ATP8A1: variants seen among roughly 807,000 people sequenced by gnomAD.
ATP8A1 encodes the protein phospholipid-transporting ATPase IA.
ATP8A1 carries 90 observed loss-of-function variants against 177.7 expected under a neutral mutation model. The observed-to-expected ratio is 0.51, with a 90% confidence interval of 0.43 to 0.60. The LOEUF is 0.60. Among genes scored for constraint, ATP8A1 ranks in the 20% least tolerant of loss-of-function variants. The probability of loss-of-function intolerance (pLI) is 0.00; values close to 1 mark genes in which losing one functional copy is unlikely to be tolerated. For missense variants in ATP8A1, 1,072 were observed against 1,392.8 expected (o/e 0.77, Z 3.67); for synonymous variants, 493 against 485.9 (o/e 1.01, Z -0.19).
intron 20 of ATP8A1, among the ~76,000 whole-genome samples, chr4:42,529,563 C>T (rs950921663): frequency 2.2e-4 from 34 of 152,174 alleles, no homozygotes; most frequent in African/African-American, 7.2e-4. Flanking sequence ...TGAGGAAGTG[C>T]CTCAAATGCC....
At chr4:42,656,250 G>A (rs1464709930) in intron 1 of ATP8A1, among the ~76,000 whole-genome samples, 1 of 152,152 alleles carries the variant, frequency 6.6e-6, no homozygotes, top group African/African-American at 2.4e-5. Flanking sequence ...GGGCAAAAGG[G>A]AAACACAAAA....
At chr4:42,653,172 C>G (rs1039205481) in intron 1 of ATP8A1, among the ~76,000 whole-genome samples, 1 of 152,192 alleles carries the variant, frequency 6.6e-6, no homozygotes, top group African/African-American at 2.4e-5. Flanking sequence ...CCCCAGATCC[C>G]CACCAGGCCA....
At chr4:42,423,010 A>C in intron 34 of ATP8A1, 111 bp from the exon 35 acceptor site, 1 of 623,352 alleles carries the variant, frequency 1.6e-6, no homozygotes. Context: ...TGGTAACAAG[A>C]GTACAAGCAG....
chr4:42,546,424 A>G (rs148750617), intron 19 of ATP8A1, among the ~76,000 whole-genome samples: 2,985 of 107,188 alleles, frequency 0.028, 43 homozygotes, highest in South Asian at 0.048. Context: ...CACACCGGGG[A>G]CTGTTGTGGG....
intron 5 of ATP8A1, among the ~76,000 whole-genome samples, chr4:42,612,807 A>T (rs1010046732): frequency 6.6e-6 from 1 of 152,180 alleles, no homozygotes; most frequent in African/African-American, 2.4e-5. Context: ...GTTGGAAATA[A>T]AAAGACAAGT....
At chr4:42,646,192 G>A (rs1255640771) in intron 1 of ATP8A1, among the ~76,000 whole-genome samples, 1 of 152,166 alleles carries the variant, frequency 6.6e-6, no homozygotes, top group Non-Finnish European at 1.5e-5. Context: ...CATCAAAACG[G>A]CTCACAAATG....
At chr4:42,653,709 T>C (rs1741347636) in intron 1 of ATP8A1, among the ~76,000 whole-genome samples, 2 of 152,202 alleles carry the variant, frequency 1.3e-5, no homozygotes, top group African/African-American at 2.4e-5. Context: ...TAGGCTTAAA[T>C]AAGAAATTAG....
In ATP8A1 at chr4:42,596,929, C is replaced by T. The variant is rs62302295; in HGVS notation, c.450+3549G>A. Reference sequence around the variant, plus strand: ...AAGAGCAATGAAGCCAGCAGCTTACCGTTCAGGAGTCACAATGTAGTTCCT... The same window carrying T: ...AAGAGCAATGAAGCCAGCAGCTTACTGTTCAGGAGTCACAATGTAGTTCCT... On this transcript the variant is annotated intron_variant, in intron 6 of 36. Coordinates refer to ENST00000381668, the MANE Select transcript of ATP8A1 (RefSeq NM_006095.2). 4.2e-3 allele frequency among the ~76,000 whole-genome samples: 636 copies of T among 152,234 alleles called. 3 individuals are homozygous for T. Among genetic ancestry groups the T allele is most frequent in the Non-Finnish European group, 7.3e-3 (495 of 68,016 alleles).
At chr4:42,445,050 A>G (rs1453458999) in intron 31 of ATP8A1, among the ~76,000 whole-genome samples, 2 of 152,226 alleles carry the variant, frequency 1.3e-5, no homozygotes, top group Admixed American at 6.5e-5. Context: ...TTAAAGACAA[A>G]TTTTAATGAA....
intron 1 of ATP8A1, among the ~76,000 whole-genome samples, chr4:42,640,363 C>G (rs1198743393): frequency 6.6e-6 from 1 of 152,192 alleles, no homozygotes. Context: ...AATGTTTCCT[C>G]TAAAAAAGGT....
chr4:42,459,535 G>A, intron 27 of ATP8A1: 1 of 346,540 alleles, frequency 2.9e-6, no homozygotes, highest in South Asian at 2.5e-5. Context: ...TCAGTGTTCT[G>A]GAATGAGAAG....
chr4:42,499,297 T>A lies in ATP8A1; in HGVS notation c.2151+4153A>T, dbSNP rs78399406. Among the ~76,000 whole-genome samples, 495 of 152,314 alleles carry A rather than the reference T, an allele frequency of 3.2e-3. 2 individuals carry two copies. Among genetic ancestry groups the A allele is most frequent in the Non-Finnish European group, 2.8e-3 (191 of 68,030 alleles). On this transcript the variant is annotated intron_variant, in intron 24 of 36. Transcript: ENST00000381668. ...GCCTGTTGATTTAATAAATGTATAG[T>A]GTATATTTTCCCTTTCTACCCCACT...
chr4:42,591,252 T>G (rs1337271177), intron 6 of ATP8A1, among the ~76,000 whole-genome samples: 2 of 152,028 alleles, frequency 1.3e-5, no homozygotes, highest in African/African-American at 2.4e-5. Context: ...ATCTACTGTA[T>G]GTCCACTTGT....
rs573692688 is a variant in ATP8A1, at chr4:42,520,927, T to C, written c.1947+1233A>G. Among the ~76,000 whole-genome samples, 3 of 152,236 alleles carry C rather than the reference T, an allele frequency of 2.0e-5. No homozygotes were observed. In the South Asian group the frequency reaches 6.2e-4, roughly 32 times the overall value. On this transcript the variant is annotated intron_variant, in intron 22 of 36. Transcript: ENST00000381668. ...GGACACCAATATCTCGAGTTGCATA[T>C]GGTAACCTTGTGCAATAAAGAAAAC... is the stretch of plus-strand genomic sequence containing the variant.
chr4:42,570,482 G>A (rs1202885469), intron 14 of ATP8A1, among the ~76,000 whole-genome samples: 2 of 152,208 alleles, frequency 1.3e-5, no homozygotes, highest in African/African-American at 4.8e-5. Flanking sequence ...GCAACACTGT[G>A]CATGGTCCTG....
chr4:42,506,901 T>C (rs1163981921), intron 23 of ATP8A1, 115 bp downstream of exon 23: 1 of 1,263,486 alleles, frequency 7.9e-7, no homozygotes, highest in African/African-American at 1.5e-5. Flanking sequence ...GATTGGAATA[T>C]TCCAATCTTG....
intron 33 of ATP8A1, among the ~76,000 whole-genome samples, chr4:42,428,662 C>A (rs946292905): frequency 2.0e-5 from 3 of 152,166 alleles, no homozygotes; most frequent in African/African-American, 7.2e-5. Flanking sequence ...CTGGATTAAA[C>A]CCTTTCTGTG....
At chr4:42,419,833 C>T (rs977256743) in intron 35 of ATP8A1, among the ~76,000 whole-genome samples, 1 of 152,074 alleles carries the variant, frequency 6.6e-6, no homozygotes, top group Admixed American at 6.5e-5. Context: ...GAAACCCCGT[C>T]TCTACTAAAA....
At chr4:42,440,877 A>C (rs1716558989) in intron 33 of ATP8A1, among the ~76,000 whole-genome samples, 1 of 151,626 alleles carries the variant, frequency 6.6e-6, no homozygotes, top group Non-Finnish European at 1.5e-5. Context: ...CATCCTGGAG[A>C]CCCTTATTAA....
Sources: allele counts gnomAD v4.1 joint callset (sites outside exome capture counted in the v4.1 genomes callset), GRCh38; gene constraint gnomAD v4.1.1; transcripts MANE v1.5; gene names NCBI Gene and HGNC (gene_info 2026-07-23, HGNC 2026-07-21).